The following FBXO40 variants were observed in gnomAD, a reference collection of about 807,000 sequenced individuals.
The protein encoded by FBXO40 is F-box protein 40.
FBXO40 carries 50 observed loss-of-function variants against 49.9 expected under a neutral mutation model. The observed-to-expected ratio is 1.00, with a 90% CI of 0.80 to 1.27. The LOEUF (loss-of-function observed/expected upper bound fraction) is 1.27. FBXO40 is among the 50% of genes most tolerant of loss of function. The pLI is 0.00. For synonymous variants in FBXO40, 340 were observed against 320.2 expected (o/e 1.06, Z -0.66); for missense variants, 895 against 870.1 (o/e 1.03, Z -0.36).
intron 1 of FBXO40, among the ~76,000 whole-genome samples, chr3:121,601,903 G>C (rs189021273): frequency 5.9e-5 from 9 of 152,310 alleles, no homozygotes; most frequent in Admixed American, 5.9e-4. Context: ...AGCCAGGACA[G>C]GCCCTGACAA....
In FBXO40 at chr3:121,627,709, T is replaced by C. The variant is rs535581264; in HGVS notation, c.*799T>C. The stretch of plus-strand genomic sequence containing the variant: ...AATGACTTAAGGGTCAAGATTTTTT[T>C]CTTCTGAAAATTATGTTCTGAGTTA... On this transcript the variant is annotated 3_prime_UTR_variant, in exon 4 of 4. Coordinates refer to ENST00000338040, the MANE Select transcript of FBXO40 (RefSeq NM_016298.4). 3 of 396,792 alleles carry C rather than the reference T, an allele frequency of 7.6e-6. No individual in the cohort carries two copies. In the East Asian group the frequency reaches 1.1e-4, roughly 14 times the overall value. 24.6% of individuals were successfully genotyped at this position (396,792 alleles called of 1,614,324 possible).
chr3:121,599,938 G>A (rs1467163209), intron 1 of FBXO40, among the ~76,000 whole-genome samples: 3 of 151,494 alleles, frequency 2.0e-5, no homozygotes, highest in Non-Finnish European at 4.4e-5. Context: ...GACCAAACTG[G>A]TCTCAAACTC....
intron 1 of FBXO40, among the ~76,000 whole-genome samples, chr3:121,618,741 G>GTGTGTGTGTGTA (rs2049013326): frequency 6.6e-6 from 1 of 151,676 alleles, no homozygotes; most frequent in Non-Finnish European, 1.5e-5. Flanking sequence ...GTGTGTGTGT[G>GTGTGTGTGTGTA]TATGTGTGTG....
chr3:121,599,674 GCACACACACA>G (rs757324448), intron 1 of FBXO40, among the ~76,000 whole-genome samples: 43 of 99,566 alleles, frequency 4.3e-4, no homozygotes, highest in African/African-American at 7.9e-4. Flanking sequence ...ACACACACAT[GCACACACACA>G]CACACACACA....
At chr3:121,618,553 AT>A (rs58697675) in intron 1 of FBXO40, among the ~76,000 whole-genome samples, 38,843 of 145,262 alleles carry the variant, frequency 0.27, 5,302 homozygotes, top group Middle Eastern at 0.38. Flanking sequence ...TGCCCGGTTA[AT>A]TTTTTTTTTT....
intron 1 of FBXO40, among the ~76,000 whole-genome samples, chr3:121,598,016 A>G (rs2048881612): frequency 6.6e-6 from 1 of 152,188 alleles, no homozygotes; most frequent in Admixed American, 6.5e-5. Flanking sequence ...TAACTTGTCA[A>G]AAATCACTCA....
chr3:121,626,697 C>T lies in FBXO40; in HGVS notation c.1917C>T (p.Ile639=). 2.5e-6 allele frequency: 4 copies of T among 1,613,996 alleles called. No homozygotes were observed. Among genetic ancestry groups the T allele is most frequent in the Non-Finnish European group, 3.4e-6 (4 of 1,179,884 alleles). Residue 639 remains isoleucine, a splice_region_variant and synonymous_variant, in exon 4 of 4, where the codon ATC becomes ATT. Coordinates refer to ENST00000338040, the MANE Select transcript of FBXO40 (RefSeq NM_016298.4). The part of the protein sequence containing the change: ...GGTSWRVHRE[I]WQFSSLFSKI... ...TGAACTTCTATCTTTCTCAACAGAT[C>T]TGGCAGTTCAGCAGCCTCTTCTCCA...
chr3:121,623,162 T>G lies in FBXO40; in HGVS notation c.1733T>G (p.Leu578Arg), dbSNP rs746991047. 6 of 1,614,054 alleles carry G rather than the reference T, an allele frequency of 3.7e-6. No individual in the cohort carries two copies. The African/African-American group carries it at 8.0e-5, about 22-fold the overall frequency. The change falls in exon 3 of 4, where the codon CTG (leucine) becomes CGG (arginine). Residue 578 changes from leucine (L) to arginine (R), a missense_variant. Coordinates refer to ENST00000338040, the MANE Select transcript of FBXO40 (RefSeq NM_016298.4). ...KSQNSLTSLP[L>R]EILKYIAGFL... Reference sequence around the variant, plus strand: ...CAGAATTCTTTAACCAGCCTGCCCCTGGAGATTTTGAAGTACATTGCTGGG... The same window carrying G: ...CAGAATTCTTTAACCAGCCTGCCCCGGGAGATTTTGAAGTACATTGCTGGG...
chr3:121,616,520 C>A (rs1208600296), intron 1 of FBXO40, among the ~76,000 whole-genome samples: 1 of 152,170 alleles, frequency 6.6e-6, no homozygotes, highest in Non-Finnish European at 1.5e-5. Context: ...CATTTTATTG[C>A]ATTTTGATTA....
rs2049041310 is a variant in FBXO40, at chr3:121,622,843, A to G, written c.1414A>G (p.Ser472Gly). ...ECVTRRHNKS[S>G]SAFTFTCNKF... ...TGTGACCAGGAGACACAACAAAAGC[A>G]GCTCTGCCTTCACTTTCACTTGCAA... Residue 472 changes from serine (S) to glycine (G), a missense_variant, in exon 3 of 4, where the codon AGC becomes GGC. Coordinates refer to ENST00000338040, the MANE Select transcript of FBXO40 (RefSeq NM_016298.4). 6.2e-7 allele frequency: 1 copy of G among 1,614,118 alleles called. No homozygotes were observed. Among genetic ancestry groups the G allele is most frequent in the African/African-American group, 1.3e-5 (1 of 74,946 alleles).
intron 1 of FBXO40, among the ~76,000 whole-genome samples, chr3:121,602,780 C>G (rs1243934104): frequency 1.2e-4 from 18 of 147,780 alleles, no homozygotes; most frequent in Admixed American, 1.2e-3. Context: ...ATAATGGACT[C>G]TTTTTTTTTT....
intron 1 of FBXO40, among the ~76,000 whole-genome samples, chr3:121,608,978 A>G (rs923161259): frequency 7.2e-5 from 11 of 152,180 alleles, no homozygotes; most frequent in African/African-American, 2.4e-4. Context: ...TCTCATTCCA[A>G]TCAAAGCGTT....
At position 121,623,371 on chromosome 3, in the gene FBXO40, C is replaced by A. The variant is rs750395003; in HGVS notation, c.1914+28C>A. 7.7e-6 allele frequency: 12 copies of A among 1,566,072 alleles called. No individual in the cohort carries two copies. The African/African-American group carries it at 9.6e-5, about 12-fold the overall frequency. ...AAGTAAACACTCATTTATTGATTGA[C>A]TCATTCAGCAATTTTTTGTTTCATT... On this transcript the variant is annotated intron_variant, in intron 3 of 3. Transcript: ENST00000338040.
chr3:121,628,684 G>A lies in FBXO40; in HGVS notation c.*1774G>A, dbSNP rs1026240253. 1.3e-5 allele frequency: 2 copies of A among 152,144 alleles called. No individual in the cohort carries two copies. The highest frequency in any genetic ancestry group is 4.8e-5 in the African/African-American group (2 of 41,412). The allele number at this position is 152,144 out of a possible 1,614,324, so 9.4% of individuals were successfully genotyped here. ...TAAGTTAGGATATGCTTATTTTTTA[G>A]TACAGCAAAATCTTATCGCACATAG... is the stretch of plus-strand genomic sequence containing the variant. On this transcript the variant is annotated 3_prime_UTR_variant, in exon 4 of 4. Coordinates refer to ENST00000338040, the MANE Select transcript of FBXO40 (RefSeq NM_016298.4).
chr3:121,615,881 T>C (rs2108849160), intron 1 of FBXO40, among the ~76,000 whole-genome samples: 1 of 152,312 alleles, frequency 6.6e-6, no homozygotes, highest in South Asian at 2.1e-4. Context: ...TACAGGTGTC[T>C]TGTGAGTGCC....
chr3:121,606,974 T>G (rs1381011411), intron 1 of FBXO40, among the ~76,000 whole-genome samples: 1 of 152,160 alleles, frequency 6.6e-6, no homozygotes, highest in Non-Finnish European at 1.5e-5. Context: ...TTTAATAAAC[T>G]TTTAGATAGG....
At chr3:121,617,503 G>A (rs143656891) in intron 1 of FBXO40, among the ~76,000 whole-genome samples, 3,986 of 152,180 alleles carry the variant, frequency 0.026, 133 homozygotes, top group African/African-American at 0.082. Context: ...GCTGAGGCAG[G>A]AGAATCGCTT....
At position 121,621,631 on chromosome 3, in the gene FBXO40, T is replaced by A. The variant is rs752103278; in HGVS notation, c.202T>A (p.Ser68Thr). The A allele has an allele frequency of 6.2e-7, 1 of 1,614,090 alleles. No homozygotes were observed. The change falls in exon 3 of 4, where the codon TCC becomes ACC. Residue 68 changes from serine to threonine, a missense_variant. By Grantham distance (58) the Ser-to-Thr change is moderately conservative. Transcript: ENST00000338040. ...TTTAGAGCAGGTTCCGTGCCTCAAC[T>A]CCGAATATGGCTGCCCTCTGTCCAT... is the stretch of plus-strand genomic sequence containing the variant. ...CPLEQVPCLN[S>T]EYGCPLSMSR... is the part of the protein sequence containing the mutation.
chr3:121,600,108 G>C (rs182587546), intron 1 of FBXO40, among the ~76,000 whole-genome samples: 5 of 150,436 alleles, frequency 3.3e-5, no homozygotes, highest in East Asian at 2.0e-4. Flanking sequence ...ACGGCTCACT[G>C]TAGCTTCAAT....
Sources: allele counts gnomAD v4.1 joint callset (sites outside exome capture counted in the v4.1 genomes callset), GRCh38; gene constraint gnomAD v4.1.1; transcripts MANE v1.5; gene names NCBI Gene and HGNC (gene_info 2026-07-23, HGNC 2026-07-21).